The following ADK variants were observed in gnomAD, a reference collection of about 807,000 sequenced individuals.
ADK encodes the protein adenosine kinase.
ADK carries 24 observed loss-of-function variants against 44.7 expected under a neutral mutation model. The observed-to-expected ratio is 0.54, with a 90% CI of 0.39 to 0.76. The LOEUF (loss-of-function observed/expected upper bound fraction) is 0.76, where lower values mean the gene tolerates loss of function less well. Among genes scored for constraint, ADK ranks in the 30% least tolerant of loss-of-function variants. The probability of loss-of-function intolerance (pLI) is 0.00; values close to 1 mark genes in which losing one functional copy is unlikely to be tolerated. For synonymous variants in ADK, 128 were observed against 142.6 expected (o/e 0.90, Z 0.73); for missense variants, 321 against 425.1 (o/e 0.76, Z 2.15).
intron 6 of ADK, among the ~76,000 whole-genome samples, chr10:74,455,480 G>A (rs1398697989): frequency 6.6e-6 from 1 of 151,898 alleles, no homozygotes; most frequent in Admixed American, 6.6e-5. Context: ...ATGAAGCTTA[G>A]TTTGGCTGGA....
At chr10:74,302,154 A>G (rs1840079707) in intron 3 of ADK, among the ~76,000 whole-genome samples, 1 of 83,428 alleles carries the variant, frequency 1.2e-5, no homozygotes. Context: ...TTTGAGATGG[A>G]GTCTTGCTCT....
intron 7 of ADK, among the ~76,000 whole-genome samples, chr10:74,575,257 A>T (rs1851143987): frequency 6.6e-6 from 1 of 152,182 alleles, no homozygotes; most frequent in Non-Finnish European, 1.5e-5. Flanking sequence ...TGCTTTGAGG[A>T]TACTAAATGA....
At chr10:74,647,102 TAA>T (rs879317276) in intron 9 of ADK, among the ~76,000 whole-genome samples, 2 of 145,216 alleles carry the variant, frequency 1.4e-5, no homozygotes, top group African/African-American at 2.5e-5. Flanking sequence ...GTCATTTCCT[TAA>T]AAAAAAAAAA....
At chr10:74,190,779 C>T (rs1026773041) in intron 1 of ADK, among the ~76,000 whole-genome samples, 3 of 152,212 alleles carry the variant, frequency 2.0e-5, no homozygotes, top group African/African-American at 7.2e-5. Context: ...CTGCTAGGCT[C>T]CAGGATTCCA....
intron 7 of ADK, among the ~76,000 whole-genome samples, chr10:74,552,831 G>A (rs1268429238): frequency 6.6e-6 from 1 of 152,046 alleles, no homozygotes; most frequent in East Asian, 1.9e-4. Context: ...AAAAGAGGAT[G>A]AACATTATTA....
intron 9 of ADK, among the ~76,000 whole-genome samples, chr10:74,601,319 G>T (rs997130974): frequency 6.6e-6 from 1 of 152,056 alleles, no homozygotes; most frequent in Non-Finnish European, 1.5e-5. Context: ...GTACATTTGT[G>T]TTGAATTAAA....
chr10:74,664,148 G>A (rs923019733), intron 9 of ADK, among the ~76,000 whole-genome samples: 8 of 152,162 alleles, frequency 5.3e-5, no homozygotes, highest in African/African-American at 1.9e-4. Flanking sequence ...CATCAGTAAA[G>A]GATTGGTTAA....
intron 6 of ADK, among the ~76,000 whole-genome samples, chr10:74,464,519 CTCT>C (rs1846282752): frequency 6.6e-6 from 1 of 152,310 alleles, no homozygotes; most frequent in Admixed American, 6.5e-5. Flanking sequence ...ACAGTCATGA[CTCT>C]GCACTCCAGC....
At chr10:74,224,071 CTA>C (rs1223862010) in intron 2 of ADK, among the ~76,000 whole-genome samples, 2 of 152,134 alleles carry the variant, frequency 1.3e-5, no homozygotes, top group Non-Finnish European at 2.9e-5. Flanking sequence ...GAGTGAGACT[CTA>C]TCTCAACAAA....
intron 10 of ADK, among the ~76,000 whole-genome samples, chr10:74,699,270 A>G (rs1856325321): frequency 1.3e-5 from 2 of 150,068 alleles, no homozygotes; most frequent in Admixed American, 6.7e-5. Flanking sequence ...TACTTTGTTT[A>G]CTTGCTGACA....
intron 9 of ADK, among the ~76,000 whole-genome samples, chr10:74,620,177 G>A (rs1316093743): frequency 6.6e-6 from 1 of 152,090 alleles, no homozygotes; most frequent in Non-Finnish European, 1.5e-5. Context: ...GTTAACTGTA[G>A]TTATCCTACA....
chr10:74,406,946 T>C (rs927969810), intron 6 of ADK, among the ~76,000 whole-genome samples: 6 of 151,768 alleles, frequency 4.0e-5, no homozygotes, highest in African/African-American at 1.5e-4. Context: ...CCCAAAGTGC[T>C]GGGATTACAG....
intron 1 of ADK, among the ~76,000 whole-genome samples, chr10:74,197,424 C>A (rs1448416307): frequency 6.6e-6 from 1 of 152,088 alleles, no homozygotes; most frequent in Non-Finnish European, 1.5e-5. Context: ...TTGGGCTGGG[C>A]GTGGTAGCTC....
intron 1 of ADK, chr10:74,176,941 C>T: frequency 6.2e-7 from 1 of 1,602,746 alleles, no homozygotes. Flanking sequence ...GCCTCCCGAG[C>T]GCGTGAGCAC....
At chr10:74,229,906 G>A (rs1844689920) in intron 3 of ADK, among the ~76,000 whole-genome samples, 1 of 152,070 alleles carries the variant, frequency 6.6e-6, no homozygotes, top group African/African-American at 2.4e-5. Context: ...GGATGTGGTG[G>A]TGCCTGCCTG....
At chr10:74,153,083 G>A (rs909193840) in intron 1 of ADK, among the ~76,000 whole-genome samples, 14 of 152,128 alleles carry the variant, frequency 9.2e-5, no homozygotes, top group Admixed American at 2.0e-4. Flanking sequence ...GATTGCTACT[G>A]GTTTTGGTTA....
chr10:74,705,745 T>G (rs563299385), intron 10 of ADK, among the ~76,000 whole-genome samples: 1 of 152,362 alleles, frequency 6.6e-6, no homozygotes, highest in African/African-American at 2.4e-5. Context: ...CATTTTACAT[T>G]CCCACAATTA....
Position 74,708,540 on chromosome 10 carries a change from T to C in ADK, c.*95T>C, listed in dbSNP as rs1856686526. On this transcript the variant is annotated 3_prime_UTR_variant, in exon 11 of 11. Coordinates refer to ENST00000539909, the MANE Select transcript of ADK (RefSeq NM_006721.4). ...TAATAAAGAAGAAAATTATCTGCCA[T>C]TTTTTCCTACTATAATAATGCTGAA... 1.4e-6 allele frequency: 2 copies of C among 1,400,608 alleles called. No homozygotes were observed. The highest frequency in any genetic ancestry group is 2.9e-5 in the African/African-American group (2 of 70,042). 86.8% of individuals were successfully genotyped at this position (1,400,608 alleles called of 1,614,324 possible).
intron 7 of ADK, among the ~76,000 whole-genome samples, chr10:74,570,680 G>C (rs939841012): frequency 1.6e-4 from 24 of 152,220 alleles, no homozygotes; most frequent in African/African-American, 5.3e-4. Context: ...AGCTTAAGGA[G>C]ATTTTGGGCT....
Sources: gnomAD v4.1 joint callset for allele counts (sites outside exome capture counted in the v4.1 genomes callset) on GRCh38, gnomAD v4.1.1 for gene constraint, MANE v1.5 for transcripts, NCBI Gene and HGNC (gene_info 2026-07-23, HGNC 2026-07-21) for gene names.